CADPS: variants seen among roughly 807,000 people sequenced by gnomAD.
CADPS encodes the protein calcium dependent secretion activator, also known as calcium-dependent secretion activator 1.
Under a neutral mutation model 167.3 loss-of-function variants are expected in CADPS, and 57 were observed. The ratio of observed to expected loss-of-function variants is 0.34; its 90% CI spans 0.28 to 0.42. The LOEUF (loss-of-function observed/expected upper bound fraction) is 0.42, where lower values mean the gene tolerates loss of function less well. Among genes scored for constraint, CADPS ranks in the 20% least tolerant of loss-of-function variants. The pLI is 1.00. For missense variants in CADPS, 1,414 were observed against 1,738.1 expected, an observed-to-expected ratio of 0.81 and a Z score of 3.32; for synonymous variants, 676 against 635.3, an observed-to-expected ratio of 1.06 and a Z score of -0.96.
At chr3:62,511,369 C>T (rs2067783725) in intron 17 of CADPS, among the ~76,000 whole-genome samples, 1 of 152,138 alleles carries the variant, frequency 6.6e-6, no homozygotes, top group African/African-American at 2.4e-5. Context: ...GGGCTGACTC[C>T]AGCTATACCA....
intron 3 of CADPS, among the ~76,000 whole-genome samples, chr3:62,682,855 C>T (rs1263991589): frequency 6.6e-6 from 1 of 152,058 alleles, no homozygotes; most frequent in African/African-American, 2.4e-5. Flanking sequence ...TAACCATGTA[C>T]ATTAATGTAA....
intron 1 of CADPS, among the ~76,000 whole-genome samples, chr3:62,838,632 T>C (rs2076228560): frequency 6.6e-6 from 1 of 152,216 alleles, no homozygotes; most frequent in South Asian, 2.1e-4. Context: ...TGTGTAATTG[T>C]TAGTTTGTAA....
intron 3 of CADPS, among the ~76,000 whole-genome samples, chr3:62,679,595 C>G (rs2076831571): frequency 6.6e-6 from 1 of 151,910 alleles, no homozygotes; most frequent in Non-Finnish European, 1.5e-5. Context: ...ACAGTGGGAC[C>G]AATGGAGAGA....
At chr3:62,699,520 T>G (rs1186026999) in intron 3 of CADPS, among the ~76,000 whole-genome samples, 3 of 152,138 alleles carry the variant, frequency 2.0e-5, no homozygotes, top group African/African-American at 7.2e-5. Flanking sequence ...TTAATAAACA[T>G]TGTTCATCAA....
At chr3:62,744,966 C>T (rs1054301578) in intron 3 of CADPS, among the ~76,000 whole-genome samples, 4 of 152,200 alleles carry the variant, frequency 2.6e-5, no homozygotes, top group Non-Finnish European at 4.4e-5. Context: ...AGAAAAACCA[C>T]GATGGGGTCT....
intron 1 of CADPS, among the ~76,000 whole-genome samples, chr3:62,767,241 A>G (rs2087126705): frequency 6.6e-6 from 1 of 152,208 alleles, no homozygotes; most frequent in African/African-American, 2.4e-5. Flanking sequence ...TGGAAAAAGT[A>G]AGACCAGTCC....
chr3:62,532,785 G>A (rs2151981065), intron 13 of CADPS, 86 bp downstream of exon 13: 4 of 1,174,780 alleles, frequency 3.4e-6, no homozygotes, highest in Non-Finnish European at 4.9e-6. Flanking sequence ...ATGAAGACAG[G>A]CAGATCCTAA....
At chr3:62,565,111 G>A (rs1303532000) in intron 9 of CADPS, among the ~76,000 whole-genome samples, 1 of 152,126 alleles carries the variant, frequency 6.6e-6, no homozygotes, top group African/African-American at 2.4e-5. Context: ...TCACATTAGA[G>A]TTACTAACAG....
intron 10 of CADPS, among the ~76,000 whole-genome samples, chr3:62,551,673 C>G (rs2077341000): frequency 6.6e-6 from 1 of 152,184 alleles, no homozygotes; most frequent in Non-Finnish European, 1.5e-5. Flanking sequence ...CTAATACTCT[C>G]TCTCTCCCTC....
At chr3:62,803,546 A>T (rs1334431749) in intron 1 of CADPS, among the ~76,000 whole-genome samples, 3 of 152,042 alleles carry the variant, frequency 2.0e-5, no homozygotes, top group Non-Finnish European at 4.4e-5. Flanking sequence ...CCCACGTGTC[A>T]ACAGTGGGGA....
At chr3:62,434,956 C>G (rs1031266648) in intron 28 of CADPS, among the ~76,000 whole-genome samples, 2 of 152,234 alleles carry the variant, frequency 1.3e-5, no homozygotes, top group Admixed American at 1.3e-4. Flanking sequence ...GAACATGCCT[C>G]TGAATGACAG....
At chr3:62,497,666 C>G (rs1274864848) in intron 18 of CADPS, among the ~76,000 whole-genome samples, 1 of 152,178 alleles carries the variant, frequency 6.6e-6, no homozygotes, top group Admixed American at 6.5e-5. Context: ...GGTCTTACCC[C>G]CATTCTTTAA....
chr3:62,653,141 G>C (rs114948952), intron 4 of CADPS, among the ~76,000 whole-genome samples: 2,357 of 152,192 alleles, frequency 0.015, 29 homozygotes, highest in Middle Eastern at 0.055. Flanking sequence ...TTACCTTCTT[G>C]GTAGCATTTA....
At position 62,731,824 on chromosome 3, in the gene CADPS, A is replaced by T. The variant is rs1205812284; in HGVS notation, c.888+21617T>A. Among the ~76,000 whole-genome samples the T allele has an allele frequency of 1.0e-3, 86 of 82,992 alleles. 1 individual carries two copies. Among genetic ancestry groups the T allele is most frequent in the African/African-American group, 6.2e-3 (63 of 10,144 alleles). The allele number at this position is 82,992 out of a possible 152,430, so 54.4% of individuals were successfully genotyped here. A position where few individuals can be genotyped will look rare whatever the true frequency, so the allele number is the denominator to read the frequency against. On this transcript the variant is annotated intron_variant, in intron 3 of 29. Transcript: ENST00000383710. The stretch of plus-strand genomic sequence containing the variant: ...CATATGCAAAAAAAAAAAAAAAAAA[A>T]AAAAAAGTAAAGAAGGAAGAAAGGA...
At chr3:62,558,794 T>A (rs2078644532) in intron 9 of CADPS, among the ~76,000 whole-genome samples, 1 of 152,200 alleles carries the variant, frequency 6.6e-6, no homozygotes, top group South Asian at 2.1e-4. Context: ...TTGGGTTTCT[T>A]TATAATGTAT....
intron 1 of CADPS, among the ~76,000 whole-genome samples, chr3:62,792,200 C>CTTTT (rs34746949): frequency 6.9e-6 from 1 of 144,272 alleles, no homozygotes; most frequent in Non-Finnish European, 1.5e-5. Context: ...AGGTGTTTAA[C>CTTTT]TTTTTTTTTT....
At chr3:62,425,002 C>T (rs114049564) in intron 28 of CADPS, among the ~76,000 whole-genome samples, 2,159 of 152,188 alleles carry the variant, frequency 0.014, 59 homozygotes, top group African/African-American at 0.049. Flanking sequence ...ATGAAAATAC[C>T]ATAGTTTCAG....
intron 6 of CADPS, among the ~76,000 whole-genome samples, chr3:62,620,072 T>C (rs1158905363): frequency 1.3e-5 from 2 of 152,036 alleles, no homozygotes; most frequent in Non-Finnish European, 2.9e-5. Flanking sequence ...TTGGGTGCTA[T>C]TGATTTTTTT....
At position 62,507,974 on chromosome 3, in the gene CADPS, A is replaced by G. The variant is rs115655767; in HGVS notation, c.2599+4777T>C. On this transcript the variant is annotated intron_variant, in intron 17 of 29. Coordinates refer to ENST00000383710, the MANE Select transcript of CADPS (RefSeq NM_003716.4). ...AGGAACCATTATTAGCACCTTTTATAGAAAATAAAAGTGAGGTTACAGAGG... is the reference window on the plus strand; with the variant it reads ...AGGAACCATTATTAGCACCTTTTATGGAAAATAAAAGTGAGGTTACAGAGG... 3.4e-3 allele frequency among the ~76,000 whole-genome samples: 519 copies of G among 152,304 alleles called. 3 individuals carry two copies. The highest frequency in any genetic ancestry group is 0.012 in the African/African-American group (500 of 41,550).
Sources: gnomAD v4.1 joint callset for allele counts (sites outside exome capture counted in the v4.1 genomes callset) on GRCh38, gnomAD v4.1.1 for gene constraint, MANE v1.5 for transcripts, NCBI Gene and HGNC (gene_info 2026-07-23, HGNC 2026-07-21) for gene names.